Variants in EXOC4 observed in about 807,000 individuals in gnomAD.
The protein encoded by EXOC4 is exocyst complex component 4, also known as SEC8-like 1.
In EXOC4, 71 loss-of-function variants were observed where a neutral mutation model predicts 107.2. That is an observed-to-expected ratio of 0.66 (90% CI 0.55 to 0.81). The LOEUF is 0.81. Ranked by LOEUF, EXOC4 falls within the 30% of genes least tolerant of loss-of-function variation. EXOC4 has a pLI of 0.00. For synonymous variants in EXOC4, 456 were observed against 441.2 expected (o/e 1.03, Z -0.42); for missense variants, 1,108 against 1,189.6 (o/e 0.93, Z 1.01).
chr7:133,673,177 T>G (rs112195068), intron 10 of EXOC4, among the ~76,000 whole-genome samples: 111 of 152,292 alleles, frequency 7.3e-4, no homozygotes, highest in African/African-American at 2.6e-3. Flanking sequence ...TCTGCTTAGC[T>G]CTGGACTTTC....
Position 133,295,200 on chromosome 7 carries a change from C to T in EXOC4, c.471+6084C>T, listed in dbSNP as rs532669346. Reference sequence around the variant, plus strand: ...GGGTTGGATTAAGCAGTTTTGATTCCTTTTCTTCTTGGCCTAACATGGATG... The same window carrying T: ...GGGTTGGATTAAGCAGTTTTGATTCTTTTTCTTCTTGGCCTAACATGGATG... On this transcript the variant is annotated intron_variant, in intron 3 of 17. Transcript: ENST00000253861. Among the ~76,000 whole-genome samples, 3 of 152,122 alleles carry T rather than the reference C, an allele frequency of 2.0e-5. No homozygotes were observed. The South Asian group carries it at 6.2e-4, about 32-fold the overall frequency.
chr7:133,646,963 G>GGA (rs1305224769), intron 10 of EXOC4, among the ~76,000 whole-genome samples: 1 of 152,140 alleles, frequency 6.6e-6, no homozygotes, highest in African/African-American at 2.4e-5. Context: ...GGCCCTTAAT[G>GGA]GATCAGCATT....
At chr7:133,588,125 G>A (rs113709360) in intron 9 of EXOC4, among the ~76,000 whole-genome samples, 277 of 152,270 alleles carry the variant, frequency 1.8e-3, no homozygotes, top group African/African-American at 6.1e-3. Flanking sequence ...TCTACTGGAA[G>A]GCAGGAATGC....
At chr7:133,324,496 C>A (rs1279901321) in intron 5 of EXOC4, among the ~76,000 whole-genome samples, 1 of 152,180 alleles carries the variant, frequency 6.6e-6, no homozygotes, top group East Asian at 1.9e-4. Flanking sequence ...GCAGGTTGTT[C>A]AGTTTCCATG....
intron 7 of EXOC4, among the ~76,000 whole-genome samples, chr7:133,401,193 C>A (rs1478193746): frequency 7.0e-6 from 1 of 141,946 alleles, no homozygotes. Flanking sequence ...TTTTTTTAAA[C>A]TTGGCAGTCT....
chr7:133,410,165 A>G (rs1287754098), intron 7 of EXOC4, among the ~76,000 whole-genome samples: 3 of 152,152 alleles, frequency 2.0e-5, no homozygotes, highest in Non-Finnish European at 2.9e-5. Flanking sequence ...TTTTATGTCT[A>G]TGAGCACCAC....
intron 11 of EXOC4, among the ~76,000 whole-genome samples, chr7:133,873,939 C>G (rs146567695): frequency 2.0e-5 from 3 of 152,338 alleles, no homozygotes; most frequent in African/African-American, 7.2e-5. Context: ...TTCATATAAA[C>G]TTGGGCAGGA....
At chr7:133,355,709 T>C (rs891303368) in intron 5 of EXOC4, among the ~76,000 whole-genome samples, 29 of 151,438 alleles carry the variant, frequency 1.9e-4, no homozygotes, top group African/African-American at 7.0e-4. Flanking sequence ...ATCTGTCTCC[T>C]ATAGATAATT....
intron 10 of EXOC4, among the ~76,000 whole-genome samples, chr7:133,656,037 A>G (rs1313978270): frequency 6.6e-6 from 1 of 152,070 alleles, no homozygotes; most frequent in Admixed American, 6.6e-5. Flanking sequence ...TCACTAGGAG[A>G]TAGGAGTTTC....
intron 10 of EXOC4, among the ~76,000 whole-genome samples, chr7:133,753,711 G>T (rs1795840777): frequency 6.6e-6 from 1 of 152,170 alleles, no homozygotes; most frequent in Admixed American, 6.5e-5. Context: ...TCACATTTTT[G>T]CACAGCTACA....
At chr7:133,508,835 T>A (rs1268397887) in intron 9 of EXOC4, among the ~76,000 whole-genome samples, 1 of 152,154 alleles carries the variant, frequency 6.6e-6, no homozygotes, top group African/African-American at 2.4e-5. Context: ...GATTAGTCAG[T>A]TTAGATTCTT....
intron 10 of EXOC4, among the ~76,000 whole-genome samples, chr7:133,754,743 C>A (rs1484725535): frequency 1.3e-5 from 2 of 152,162 alleles, no homozygotes; most frequent in African/African-American, 2.4e-5. Flanking sequence ...ACAAACATCA[C>A]ATATTTAGTT....
intron 7 of EXOC4, among the ~76,000 whole-genome samples, chr7:133,395,109 C>CTTTTTTTT (rs200545904): frequency 1.5e-5 from 2 of 130,886 alleles, no homozygotes; most frequent in Non-Finnish European, 1.6e-5. Context: ...ATACTTTTGC[C>CTTTTTTTT]TTTTTTTTTT....
intron 10 of EXOC4, among the ~76,000 whole-genome samples, chr7:133,740,913 G>A (rs910626318): frequency 5.9e-5 from 9 of 152,144 alleles, no homozygotes; most frequent in African/African-American, 2.2e-4. Context: ...GAGATTTGGA[G>A]GTATAATAGC....
chr7:133,492,900 T>A (rs1269839311), intron 9 of EXOC4, among the ~76,000 whole-genome samples: 1 of 152,072 alleles, frequency 6.6e-6, no homozygotes, highest in East Asian at 1.9e-4. Context: ...AGCTCTAGGT[T>A]CTTGGATTAT....
chr7:133,627,939 T>C (rs1802497330), intron 9 of EXOC4, among the ~76,000 whole-genome samples: 1 of 152,164 alleles, frequency 6.6e-6, no homozygotes. Context: ...TGATCCAGGG[T>C]ATGGATTTCT....
At chr7:133,764,862 A>G (rs1796103900) in intron 10 of EXOC4, among the ~76,000 whole-genome samples, 1 of 152,008 alleles carries the variant, frequency 6.6e-6, no homozygotes, top group Admixed American at 6.6e-5. Flanking sequence ...AGGTGGTGGG[A>G]AGGAGCAAAT....
intron 5 of EXOC4, among the ~76,000 whole-genome samples, chr7:133,353,568 TTCTC>T (rs1309812110): frequency 6.6e-6 from 1 of 152,164 alleles, no homozygotes; most frequent in Non-Finnish European, 1.5e-5. Flanking sequence ...ACTTTCAAGA[TTCTC>T]TCTTTGTATT....
chr7:134,074,035 C>G, the EXOC4 span, among the ~76,000 whole-genome samples: 2 of 152,216 alleles, frequency 1.3e-5, no homozygotes, highest in African/African-American at 4.8e-5. Flanking sequence ...CCACAGGCAT[C>G]CCTCACAGTT....
Sources: allele counts gnomAD v4.1 joint callset (sites outside exome capture counted in the v4.1 genomes callset), GRCh38; gene constraint gnomAD v4.1.1; transcripts MANE v1.5; gene names NCBI Gene and HGNC (gene_info 2026-07-23, HGNC 2026-07-21).